Variants in CCNY observed in about 807,000 individuals in gnomAD.
The protein encoded by CCNY is cyclin Y.
In CCNY, 19 loss-of-function variants were observed where a neutral mutation model predicts 42.8. The ratio of observed to expected loss-of-function variants is 0.44; its 90% confidence interval spans 0.31 to 0.65. The LOEUF (loss-of-function observed/expected upper bound fraction) is 0.65. CCNY is among the 30% of genes least tolerant of loss of function. CCNY has a pLI of 0.07. For synonymous variants in CCNY, 165 were observed against 162.7 expected (o/e 1.01, Z -0.11); for missense variants, 370 against 437.3 (o/e 0.85, Z 1.37).
chr10:35,313,779 C>A (rs948996758), intron 3 of CCNY, among the ~76,000 whole-genome samples: 1 of 151,962 alleles, frequency 6.6e-6, no homozygotes, highest in African/African-American at 2.4e-5. Context: ...TTGAGACCAG[C>A]CTGGGCAACA....
intron 1 of CCNY, among the ~76,000 whole-genome samples, chr10:35,431,051 A>C (rs1838383062): frequency 6.6e-6 from 1 of 151,196 alleles, no homozygotes; most frequent in African/African-American, 2.4e-5. Context: ...TGAGAGACGG[A>C]GGTTGCAGTG....
rs377320680 is a variant in CCNY, at chr10:35,402,247, ATGAT to A, written c.154+65043_154+65046del. Among the ~76,000 whole-genome samples the A allele has an allele frequency of 1.3e-3, 199 of 152,250 alleles. 6 individuals are homozygous for A. In the South Asian group the frequency reaches 0.031, roughly 24 times the overall value. On this transcript the variant is annotated intron_variant, in intron 1 of 9. Coordinates refer to ENST00000374704, the MANE Select transcript of CCNY (RefSeq NM_145012.6). ...TTAGAAGGAACATTTGTTGTATAGA[ATGAT>A]TGGTGATGGCCTGGATGCAGTTTTT...
chr10:35,398,877 T>A (rs187725281), intron 1 of CCNY, among the ~76,000 whole-genome samples: 89 of 152,352 alleles, frequency 5.8e-4, no homozygotes, highest in African/African-American at 1.7e-3. Flanking sequence ...GAGAAGGGGT[T>A]TAGCCTGAGA....
intron 1 of CCNY, among the ~76,000 whole-genome samples, chr10:35,442,512 C>T (rs1208133301): frequency 6.6e-6 from 1 of 152,130 alleles, no homozygotes; most frequent in African/African-American, 2.4e-5. Context: ...GGTCTACCTG[C>T]AAGACTTGAT....
Position 35,530,765 on chromosome 10 carries a change from A to C in CCNY, c.579+522A>C, listed in dbSNP as rs1181322728. ...GAGGTAACGTATATTTTAAGACTCA[A>C]GAAAAAATAAAAATTTGTTTTTACA... On this transcript the variant is annotated intron_variant, in intron 7 of 9. Transcript: ENST00000374704. This position sits in a 1 kb window ranked among gnomAD's most constrained non-coding sequence, Gnocchi z 4.3. Among the ~76,000 whole-genome samples the C allele has an allele frequency of 1.3e-5, 2 of 152,234 alleles. No homozygotes were observed. Among genetic ancestry groups the C allele is most frequent in the Non-Finnish European group, 2.9e-5 (2 of 68,034 alleles).
intron 1 of CCNY, among the ~76,000 whole-genome samples, chr10:35,361,377 C>T (rs1315485999): frequency 6.6e-6 from 1 of 152,186 alleles, no homozygotes; most frequent in African/African-American, 2.4e-5. Context: ...CAAGGTACAT[C>T]AATTCCACAA....
chr10:35,376,825 A>G (rs1392806060), intron 1 of CCNY, among the ~76,000 whole-genome samples: 2 of 152,240 alleles, frequency 1.3e-5, no homozygotes, highest in Non-Finnish European at 2.9e-5. Context: ...GATTTCACGT[A>G]TATGAAATGT....
chr10:35,328,316 G>A (rs936476786), intron 3 of CCNY, among the ~76,000 whole-genome samples: 30 of 152,152 alleles, frequency 2.0e-4, no homozygotes, highest in Admixed American at 2.6e-4. Context: ...TTTTCAAACA[G>A]AAGACCCCAA....
chr10:35,455,038 A>T (rs920009829), intron 1 of CCNY, among the ~76,000 whole-genome samples: 6 of 152,218 alleles, frequency 3.9e-5, no homozygotes, highest in African/African-American at 1.4e-4. Context: ...ACTCACATGG[A>T]CATTTCTAAT....
intron 1 of CCNY, among the ~76,000 whole-genome samples, chr10:35,465,950 T>A (rs1441806972): frequency 2.0e-4 from 25 of 122,712 alleles, no homozygotes; most frequent in South Asian, 5.2e-4. Context: ...TGTGTGTGTG[T>A]GTGTGTGTGT....
intron 3 of CCNY, 41 bp from the exon 4 acceptor site, chr10:35,516,482 C>A: frequency 5.3e-6 from 7 of 1,332,292 alleles, no homozygotes; most frequent in Non-Finnish European, 7.6e-6. Flanking sequence ...GAATTCTGAG[C>A]CCTGTGTAAT....
chr10:35,536,913 A>G (rs1394378923), intron 7 of CCNY, among the ~76,000 whole-genome samples: 1 of 152,254 alleles, frequency 6.6e-6, no homozygotes, highest in Non-Finnish European at 1.5e-5. Context: ...CAGGCTGCAG[A>G]AACTTGCAGG....
chr10:35,463,169 A>G (rs1028098791), intron 1 of CCNY, among the ~76,000 whole-genome samples: 3 of 152,242 alleles, frequency 2.0e-5, no homozygotes, highest in Non-Finnish European at 2.9e-5. Context: ...TAGTTGTGCT[A>G]TGTGCTAGGA....
intron 3 of CCNY, among the ~76,000 whole-genome samples, chr10:35,277,904 C>A (rs1310357348): frequency 6.6e-6 from 1 of 152,104 alleles, no homozygotes; most frequent in African/African-American, 2.4e-5. Flanking sequence ...GGGGAGGGCC[C>A]ATATCCTAAA....
At chr10:35,492,113 C>T (rs1246154922) in intron 2 of CCNY, among the ~76,000 whole-genome samples, 7 of 152,132 alleles carry the variant, frequency 4.6e-5, no homozygotes, top group African/African-American at 1.7e-4. Flanking sequence ...TCCATCATGT[C>T]CTCTCTCAAA....
intron 3 of CCNY, among the ~76,000 whole-genome samples, chr10:35,328,750 C>CA (rs1292545295): frequency 2.6e-5 from 4 of 152,200 alleles, no homozygotes; most frequent in Non-Finnish European, 5.9e-5. Flanking sequence ...TCCAGCTCTC[C>CA]AACTGTATGC....
intron 1 of CCNY, among the ~76,000 whole-genome samples, chr10:35,474,573 T>C (rs1839464208): frequency 6.6e-6 from 1 of 152,058 alleles, no homozygotes; most frequent in South Asian, 2.1e-4. Flanking sequence ...CCAACAGACC[T>C]GCAGCTGAGG....
chr10:35,356,332 A>G (rs375092266), intron 1 of CCNY, among the ~76,000 whole-genome samples: 1 of 150,530 alleles, frequency 6.6e-6, no homozygotes, highest in Non-Finnish European at 1.5e-5. Context: ...GTAAACACTT[A>G]TGCTTGTACA....
At chr10:35,532,937 A>G (rs1367099328) in intron 7 of CCNY, among the ~76,000 whole-genome samples, 1 of 152,254 alleles carries the variant, frequency 6.6e-6, no homozygotes, top group South Asian at 2.1e-4. Context: ...TGGAAGGTCC[A>G]GGCAGGTCTC....
Sources: allele counts gnomAD v4.1 joint callset (sites outside exome capture counted in the v4.1 genomes callset), GRCh38; gene constraint gnomAD v4.1.1; non-coding constraint Gnocchi (gnomAD v3.1); transcripts MANE v1.5; gene names NCBI Gene and HGNC (gene_info 2026-07-23, HGNC 2026-07-21).